ANKS1B: variants seen among roughly 807,000 people sequenced by gnomAD.
ANKS1B encodes ankyrin repeat and sterile alpha motif domain containing 1B.
A neutral mutation model predicts 148.3 loss-of-function variants in ANKS1B; 36 were observed. The observed-to-expected ratio is 0.24, with a 90% CI of 0.19 to 0.32. The LOEUF (loss-of-function observed/expected upper bound fraction) is 0.32, where lower values mean the gene tolerates loss of function less well. ANKS1B is among the 10% of genes least tolerant of loss of function. The pLI is 1.00. For missense variants in ANKS1B, 1,157 were observed against 1,542.6 expected (o/e 0.75, Z 4.19); for synonymous variants, 542 against 560.8 (o/e 0.97, Z 0.47).
intron 1 of ANKS1B, among the ~76,000 whole-genome samples, chr12:99,870,894 T>C (rs2091429932): frequency 6.6e-6 from 1 of 152,208 alleles, no homozygotes; most frequent in Admixed American, 6.5e-5. Context: ...TGTTGATAGT[T>C]TCTCTTGCTG....
chr12:99,569,440 T>C (rs913778811), intron 9 of ANKS1B, among the ~76,000 whole-genome samples: 1 of 152,082 alleles, frequency 6.6e-6, no homozygotes, highest in Non-Finnish European at 1.5e-5. Context: ...TCTTATAGAG[T>C]TGATATAAAA....
intron 8 of ANKS1B, among the ~76,000 whole-genome samples, chr12:99,672,181 C>A (rs1314787345): frequency 2.0e-5 from 3 of 152,008 alleles, no homozygotes; most frequent in Non-Finnish European, 2.9e-5. Flanking sequence ...GGCATTAAAC[C>A]CATGCTGGAT....
At chr12:98,769,145 G>A (rs2098531499) in intron 25 of ANKS1B, among the ~76,000 whole-genome samples, 1 of 124,908 alleles carries the variant, frequency 8.0e-6, no homozygotes, top group African/African-American at 3.0e-5. Flanking sequence ...TGTATTTGAG[G>A]TATTATAGGG....
rs551160424 is a variant in ANKS1B at position 99,249,855 on chromosome 12, C to G, written c.1757-2991G>C. Among the ~76,000 whole-genome samples, 3 of 152,328 alleles carry G rather than the reference C, an allele frequency of 2.0e-5. No homozygotes were observed. The East Asian group carries it at 5.8e-4, about 29-fold the overall frequency. ...CTTGTTCCCTTGTTGCTCTTGGAAC[C>G]CTGACACCATGTGAACAAGCCAGGC... On this transcript the variant is annotated intron_variant, in intron 12 of 26. Coordinates refer to ENST00000683438, the MANE Select transcript of ANKS1B (RefSeq NM_001352186.2).
In ANKS1B at chr12:99,246,482, G is replaced by A. The variant is rs1183156110; in HGVS notation, c.2139C>T (p.Ala713=). The A allele has an allele frequency of 6.2e-7, 1 of 1,613,810 alleles. No individual in the cohort carries two copies. The highest frequency in any genetic ancestry group is 8.5e-7 in the Non-Finnish European group (1 of 1,179,844). Residue 713 remains alanine (A), a synonymous_variant, in exon 13 of 27, where the codon GCC becomes GCT. Coordinates refer to ENST00000683438, the MANE Select transcript of ANKS1B (RefSeq NM_001352186.2). ...ATGACCTTATTCTCCCCAGAGTACA[G>A]GCTCTCTCCACAAATCCCCCTGCGT... ...VMNAGGFVER[A]CTLGRIRSLP...
At chr12:99,937,636 T>C (rs1270770564) in intron 1 of ANKS1B, among the ~76,000 whole-genome samples, 1 of 152,144 alleles carries the variant, frequency 6.6e-6, no homozygotes, top group Non-Finnish European at 1.5e-5. Flanking sequence ...TGGTTCCAAA[T>C]CTTCAAACAG....
chr12:99,178,398 G>A (rs548287376), intron 14 of ANKS1B, among the ~76,000 whole-genome samples: 1 of 152,270 alleles, frequency 6.6e-6, no homozygotes, highest in Admixed American at 6.5e-5. Context: ...GGCACCTCAT[G>A]GGGAACCTGC....
intron 1 of ANKS1B, among the ~76,000 whole-genome samples, chr12:99,898,848 T>C (rs765826031): frequency 1.7e-4 from 26 of 152,316 alleles, no homozygotes; most frequent in Middle Eastern, 6.8e-3. Flanking sequence ...ATGATGATGA[T>C]GATGACGACA....
chr12:99,708,965 T>C (rs572437204), intron 8 of ANKS1B, among the ~76,000 whole-genome samples: 2 of 152,258 alleles, frequency 1.3e-5, no homozygotes, highest in East Asian at 3.9e-4. Flanking sequence ...TAAAATACAA[T>C]AAATGTAAAT....
At chr12:98,793,758 A>C (rs530289532) in intron 22 of ANKS1B, among the ~76,000 whole-genome samples, 1 of 152,350 alleles carries the variant, frequency 6.6e-6, no homozygotes, top group East Asian at 1.9e-4. Flanking sequence ...AGAGAGTATT[A>C]AATTGAATAT....
At chr12:99,045,195 T>C (rs1016731901) in intron 17 of ANKS1B, among the ~76,000 whole-genome samples, 1 of 152,202 alleles carries the variant, frequency 6.6e-6, no homozygotes, top group African/African-American at 2.4e-5. Flanking sequence ...GGGTTATAAT[T>C]ACAAAAATTT....
chr12:98,813,537 T>G (rs2099115139), intron 19 of ANKS1B, among the ~76,000 whole-genome samples: 1 of 151,640 alleles, frequency 6.6e-6, no homozygotes. Flanking sequence ...GTTTTGTTTT[T>G]TTTTTTCTTT....
At position 98,744,679 on chromosome 12, in the gene ANKS1B, C is replaced by CT. The variant is rs201362499; in HGVS notation, c.*1059dup. The CT allele has an allele frequency of 0.11, 69,377 of 645,050 alleles. 351 individuals are homozygous for CT. The highest frequency in any genetic ancestry group is 0.23 in the East Asian group (1,662 of 7,314). The allele number at this position is 645,050 out of a possible 1,614,324, so 40.0% of individuals were successfully genotyped here. ...AAGTTTTATTACTTTGGAATTTCTT[C>CT]TTTTTTTTTTTTGTATTTATTTTTT... is the stretch of plus-strand genomic sequence containing the variant. On this transcript the variant is annotated 3_prime_UTR_variant, in exon 27 of 27. Transcript: ENST00000683438.
chr12:99,195,568 G>A (rs1307835430), intron 14 of ANKS1B, among the ~76,000 whole-genome samples: 1 of 152,134 alleles, frequency 6.6e-6, no homozygotes, highest in African/African-American at 2.4e-5. Flanking sequence ...TCAGAAAGTA[G>A]AATGTAGGGC....
intron 19 of ANKS1B, among the ~76,000 whole-genome samples, chr12:98,814,038 A>T (rs1228134322): frequency 1.4e-5 from 2 of 138,152 alleles, no homozygotes; most frequent in Non-Finnish European, 1.5e-5. Context: ...CTGCCACCAC[A>T]TCTGGCTGAT....
intron 22 of ANKS1B, chr12:98,794,934 G>T: frequency 7.6e-7 from 1 of 1,312,566 alleles, no homozygotes; most frequent in African/African-American, 1.4e-5. Flanking sequence ...TGGCACAGCA[G>T]CTACAAGAGG....
chr12:99,059,093 CT>C (rs2153552337), intron 16 of ANKS1B, among the ~76,000 whole-genome samples: 1 of 152,292 alleles, frequency 6.6e-6, no homozygotes, highest in South Asian at 2.1e-4. Context: ...GTGAATCTTT[CT>C]CTAATGTTAC....
chr12:99,415,483 ACTG>A (rs1380495005), intron 11 of ANKS1B, among the ~76,000 whole-genome samples: 1 of 152,144 alleles, frequency 6.6e-6, no homozygotes, highest in East Asian at 1.9e-4. Flanking sequence ...AAAGGTGCAC[ACTG>A]CTTTTTAAAT....
At position 99,921,459 on chromosome 12, in the gene ANKS1B, T is replaced by C. The variant is rs539343367; in HGVS notation, c.134+62645A>G. ...CTCAGGGAAGTTATTTACAGCAGTGTGAAAATGGATTAATATACCAGGCAA... is the reference window on the plus strand; with the variant it reads ...CTCAGGGAAGTTATTTACAGCAGTGCGAAAATGGATTAATATACCAGGCAA... On this transcript the variant is annotated intron_variant, in intron 1 of 26. Transcript: ENST00000683438. 5.3e-5 allele frequency among the ~76,000 whole-genome samples: 8 copies of C among 152,218 alleles called. No homozygotes were observed. In the South Asian group the frequency reaches 1.7e-3, roughly 32 times the overall value.
Sources: allele counts gnomAD v4.1 joint callset (sites outside exome capture counted in the v4.1 genomes callset), GRCh38; gene constraint gnomAD v4.1.1; transcripts MANE v1.5; gene names NCBI Gene and HGNC (gene_info 2026-07-23, HGNC 2026-07-21).